The following IQCH variants were observed in gnomAD, a reference collection of about 807,000 sequenced individuals.
IQCH encodes IQ motif containing H.
Under a neutral mutation model 117.0 loss-of-function variants are expected in IQCH, and 98 were observed. The ratio of observed to expected loss-of-function variants is 0.84; its 90% CI spans 0.71 to 0.99. The LOEUF (loss-of-function observed/expected upper bound fraction) is 0.99. Among genes scored for constraint, IQCH ranks in the 50% least tolerant of loss-of-function variants. The pLI, the probability that IQCH is intolerant of heterozygous loss-of-function variation, is 0.00. For synonymous variants in IQCH, 412 were observed against 448.2 expected (o/e 0.92, Z 1.02); for missense variants, 1,102 against 1,243.8 (o/e 0.89, Z 1.72).
intron 17 of IQCH, among the ~76,000 whole-genome samples, chr15:67,469,085 A>T (rs1183003364): frequency 6.6e-6 from 1 of 152,112 alleles, no homozygotes; most frequent in Admixed American, 6.6e-5. Context: ...TGATTTAGAA[A>T]GGTAGTTTAA....
Position 67,342,579 on chromosome 15 carries a change from G to A in IQCH, c.509-1484G>A, listed in dbSNP as rs1969220290. Among the ~76,000 whole-genome samples, 1 of 152,004 alleles carries A rather than the reference G, an allele frequency of 6.6e-6. No individual in the cohort carries two copies. Among genetic ancestry groups the A allele is most frequent in the Admixed American group, 6.6e-5 (1 of 15,244 alleles). ...ATAAGGAGACCTGTTTTTCACATCT[G>A]CAAAACAGAGTTCTTGGAAATGAAA... On this transcript the variant is annotated intron_variant, in intron 5 of 20. Transcript: ENST00000335894. This position sits in a 1 kb window ranked among gnomAD's most constrained non-coding sequence, Gnocchi z 4.7.
chr15:67,290,623 A>T (rs1033005913), intron 4 of IQCH, among the ~76,000 whole-genome samples: 1 of 152,122 alleles, frequency 6.6e-6, no homozygotes, highest in African/African-American at 2.4e-5. Context: ...TTTTTTGAAT[A>T]GAAGAAATAC....
intron 16 of IQCH, among the ~76,000 whole-genome samples, chr15:67,462,492 C>T (rs547354119): frequency 6.6e-6 from 1 of 151,822 alleles, no homozygotes; most frequent in South Asian, 2.1e-4. Flanking sequence ...TTCTAAAACC[C>T]TGTCAGTATT....
At chr15:67,477,791 C>T (rs955996435) in intron 18 of IQCH, among the ~76,000 whole-genome samples, 3 of 152,178 alleles carry the variant, frequency 2.0e-5, no homozygotes, top group Non-Finnish European at 4.4e-5. Flanking sequence ...CAGGGACAGT[C>T]TCCTGCCCTT....
At chr15:67,420,765 T>A (rs542781222) in intron 15 of IQCH, among the ~76,000 whole-genome samples, 15 of 152,346 alleles carry the variant, frequency 9.8e-5, no homozygotes, top group Non-Finnish European at 1.6e-4. Flanking sequence ...TCTATATTTT[T>A]AAAAATGTTT....
chr15:67,380,042 G>A (rs961558414), intron 10 of IQCH, among the ~76,000 whole-genome samples: 1 of 152,062 alleles, frequency 6.6e-6, no homozygotes, highest in Non-Finnish European at 1.5e-5. Context: ...AGTAGAGATG[G>A]GGTTTCTCCA....
At chr15:67,301,155 A>G (rs1470787234) in intron 4 of IQCH, among the ~76,000 whole-genome samples, 1 of 152,142 alleles carries the variant, frequency 6.6e-6, no homozygotes, top group Non-Finnish European at 1.5e-5. Flanking sequence ...TATTTCTGAT[A>G]TTTATCTTAC....
At chr15:67,484,230 A>T (rs937264975) in intron 18 of IQCH, among the ~76,000 whole-genome samples, 1 of 151,796 alleles carries the variant, frequency 6.6e-6, no homozygotes, top group African/African-American at 2.4e-5. Flanking sequence ...ACATGGCAAA[A>T]CCCTGTCTCC....
intron 4 of IQCH, among the ~76,000 whole-genome samples, chr15:67,296,183 T>G (rs947368048): frequency 3.3e-5 from 5 of 152,202 alleles, no homozygotes; most frequent in African/African-American, 1.2e-4. Flanking sequence ...TTTGAATGAA[T>G]GAATGAATTC....
intron 10 of IQCH, among the ~76,000 whole-genome samples, chr15:67,379,023 AC>A (rs1970831389): frequency 6.6e-6 from 1 of 152,212 alleles, no homozygotes; most frequent in East Asian, 1.9e-4. Context: ...TAATAAGCCC[AC>A]TACCAACACT....
intron 16 of IQCH, among the ~76,000 whole-genome samples, chr15:67,421,809 G>A (rs958082696): frequency 6.6e-6 from 1 of 152,164 alleles, no homozygotes; most frequent in Admixed American, 6.6e-5. Context: ...GAGTTAAAGA[G>A]TGACTGAGGC....
intron 4 of IQCH, among the ~76,000 whole-genome samples, chr15:67,298,339 C>G (rs1255683069): frequency 6.6e-6 from 1 of 150,902 alleles, no homozygotes; most frequent in Non-Finnish European, 1.5e-5. Flanking sequence ...ATTGGCATTT[C>G]TCAAAATAAG....
In IQCH at chr15:67,408,778, A is replaced by G. The variant is rs1244884572; in HGVS notation, c.2098-8153A>G. On this transcript the variant is annotated intron_variant, in intron 14 of 20. Coordinates refer to ENST00000335894, the MANE Select transcript of IQCH (RefSeq NM_001031715.3). The surrounding 1 kb of genome is among the most constrained non-coding windows in gnomAD (Gnocchi z 4.2). The stretch of plus-strand genomic sequence containing the variant: ...TTCATCAGCATATGCAATTTTCTCA[A>G]CCAGCGATATTTCTCTAACTGGAAA... Among the ~76,000 whole-genome samples, 1 of 152,136 alleles carries G rather than the reference A, an allele frequency of 6.6e-6. No homozygotes were observed. The highest frequency in any genetic ancestry group is 1.5e-5 in the Non-Finnish European group (1 of 68,024).
chr15:67,358,197 A>C (rs1265155461), intron 7 of IQCH, among the ~76,000 whole-genome samples: 31 of 7,098 alleles, frequency 4.4e-3, no homozygotes, highest in East Asian at 0.018. Flanking sequence ...ATCATGAGGC[A>C]CTTTCTTTTC....
intron 2 of IQCH, among the ~76,000 whole-genome samples, 183 bp from the exon 3 acceptor site, chr15:67,262,939 A>G (rs1176364893): frequency 6.6e-6 from 1 of 152,104 alleles, no homozygotes; most frequent in Admixed American, 6.5e-5. Context: ...TCAGTTTATT[A>G]TGCTGGGATG....
At chr15:67,478,873 G>T (rs913228041) in intron 18 of IQCH, among the ~76,000 whole-genome samples, 1 of 151,170 alleles carries the variant, frequency 6.6e-6, no homozygotes, top group Non-Finnish European at 1.5e-5. Context: ...GCAGTGAGCC[G>T]AGATTGCGCC....
chr15:67,292,981 G>A (rs1966802097), intron 4 of IQCH, among the ~76,000 whole-genome samples: 1 of 152,154 alleles, frequency 6.6e-6, no homozygotes, highest in Admixed American at 6.5e-5. Flanking sequence ...ACAGTGCCTA[G>A]CCTGGAGTAG....
chr15:67,400,090 G>C, intron 13 of IQCH, 24 bp from the exon 14 acceptor site: 4 of 1,600,122 alleles, frequency 2.5e-6, no homozygotes, highest in African/African-American at 1.3e-5. Context: ...TGTATTAAAT[G>C]CAGCTGTGTC....
intron 16 of IQCH, among the ~76,000 whole-genome samples, chr15:67,455,233 T>A (rs1294429664): frequency 6.6e-6 from 1 of 152,144 alleles, no homozygotes; most frequent in Non-Finnish European, 1.5e-5. Context: ...TTGTACAGGA[T>A]GTAGGTATGA....
Sources: allele counts gnomAD v4.1 joint callset (sites outside exome capture counted in the v4.1 genomes callset), GRCh38; gene constraint gnomAD v4.1.1; non-coding constraint Gnocchi (gnomAD v3.1); transcripts MANE v1.5; gene names NCBI Gene and HGNC (gene_info 2026-07-23, HGNC 2026-07-21).